The following CLASP2 variants were observed in gnomAD, a reference collection of about 807,000 sequenced individuals.
CLASP2 encodes CLIP-associating protein 2.
Under a neutral mutation model 194.4 loss-of-function variants are expected in CLASP2, and 47 were observed. That is an observed-to-expected ratio of 0.24 (90% CI 0.19 to 0.31). The LOEUF is 0.31. Among genes scored for constraint, CLASP2 ranks in the 10% least tolerant of loss-of-function variants. The pLI is 1.00. For missense variants in CLASP2, 1,445 were observed against 1,823.6 expected, an observed-to-expected ratio of 0.79 and a Z score of 3.78; for synonymous variants, 619 against 633.5, an observed-to-expected ratio of 0.98 and a Z score of 0.34.
chr3:33,671,825 G>A (rs1446677561), intron 6 of CLASP2, among the ~76,000 whole-genome samples: 1 of 152,210 alleles, frequency 6.6e-6, no homozygotes, highest in Non-Finnish European at 1.5e-5. Flanking sequence ...TACGCCCACG[G>A]AGACTCACTG....
At chr3:33,692,651 A>G (rs1358357680) in intron 2 of CLASP2, among the ~76,000 whole-genome samples, 1 of 152,212 alleles carries the variant, frequency 6.6e-6, no homozygotes, top group Non-Finnish European at 1.5e-5. Flanking sequence ...TATACCTCAC[A>G]TGACTAGTGA....
At chr3:33,619,096 C>T (rs1472475313) in intron 12 of CLASP2, among the ~76,000 whole-genome samples, 6 of 152,156 alleles carry the variant, frequency 3.9e-5, no homozygotes, top group Admixed American at 2.6e-4. Context: ...GTACTGAACA[C>T]TCTAGGATAG....
chr3:33,570,689 C>T, intron 26 of CLASP2, 38 bp downstream of exon 26: 2 of 1,576,716 alleles, frequency 1.3e-6, no homozygotes, highest in Non-Finnish European at 1.7e-6. Flanking sequence ...ACAAATGATA[C>T]CCTATAGAAA....
At chr3:33,708,546 A>ATATATG (rs1559703915) in intron 1 of CLASP2, among the ~76,000 whole-genome samples, 7 of 2,880 alleles carry the variant, frequency 2.4e-3, no homozygotes, top group Non-Finnish European at 0.014. Flanking sequence ...GTATATATGT[A>ATATATG]TATATATATA....
chr3:33,615,555 C>T (rs2075993506), intron 12 of CLASP2, among the ~76,000 whole-genome samples: 1 of 125,884 alleles, frequency 7.9e-6, no homozygotes, highest in Non-Finnish European at 1.7e-5. Flanking sequence ...CCAGATAAAG[C>T]AGATTTAAAA....
chr3:33,679,569 G>T (rs1408427790), intron 6 of CLASP2, among the ~76,000 whole-genome samples: 3 of 151,936 alleles, frequency 2.0e-5, no homozygotes, highest in African/African-American at 4.8e-5. Flanking sequence ...TTTAAATAAG[G>T]GCAAAAGATC....
At chr3:33,602,537 T>A in intron 18 of CLASP2, 1 of 762,668 alleles carries the variant, frequency 1.3e-6, no homozygotes, top group Non-Finnish European at 2.4e-6. Flanking sequence ...TAGGGTTTGG[T>A]TAGACAGAGT....
intron 13 of CLASP2, 48 bp downstream of exon 13, chr3:33,611,950 TGCA>T: frequency 8.6e-7 from 1 of 1,169,424 alleles, no homozygotes; most frequent in South Asian, 1.3e-5. Context: ...AATTAAACAA[TGCA>T]GTATCAGAGC....
intron 6 of CLASP2, among the ~76,000 whole-genome samples, chr3:33,680,200 A>G (rs2089564288): frequency 6.6e-6 from 1 of 152,230 alleles, no homozygotes; most frequent in African/African-American, 2.4e-5. Context: ...ATTAGGCCAG[A>G]GGGAGGGATA....
chr3:33,582,609 T>C (rs2066406067), intron 22 of CLASP2, among the ~76,000 whole-genome samples: 1 of 152,126 alleles, frequency 6.6e-6, no homozygotes, highest in Admixed American at 6.5e-5. Flanking sequence ...CAGTGAACTA[T>C]GATCATTCAC....
rs1453325827 is a variant in CLASP2, at chr3:33,689,842, A to C, written c.365T>G (p.Val122Gly). 6.3e-7 allele frequency: 1 copy of C among 1,586,876 alleles called. No homozygotes were observed. The highest frequency in any genetic ancestry group is 8.6e-7 in the Non-Finnish European group (1 of 1,167,472). ...ATGTAGGCTTACCATAGGTGGTGCT[A>C]CTTGATCCATTAACTTCAATATCAG... ...QTLILKLMDQ[V>G]APPMYIWEQL... Residue 122 changes from valine (V) to glycine (G), a missense_variant, in exon 3 of 39, where the codon GTA becomes GGA. This residue lies in a region of CLASP2 where 332 missense variants were observed against 325.3 expected (regional missense o/e 1.02). Coordinates refer to ENST00000682230, the MANE Select transcript of CLASP2 (RefSeq NM_001365631.1).
chr3:33,609,703 T>C, intron 13 of CLASP2, among the ~76,000 whole-genome samples: 1 of 152,222 alleles, frequency 6.6e-6, no homozygotes, highest in East Asian at 1.9e-4. Context: ...GCTTATGAGA[T>C]ATAATTATCA....
intron 7 of CLASP2, among the ~76,000 whole-genome samples, chr3:33,648,520 T>C (rs1049546403): frequency 4.0e-5 from 6 of 151,832 alleles, no homozygotes; most frequent in African/African-American, 1.5e-4. Context: ...AAAGGAAAAA[T>C]AAATAAATCT....
chr3:33,598,120 T>C (rs943478966), intron 18 of CLASP2, among the ~76,000 whole-genome samples: 1 of 151,780 alleles, frequency 6.6e-6, no homozygotes, highest in African/African-American at 2.4e-5. Context: ...AGACAAACTT[T>C]GAAAGCCTGC....
At chr3:33,691,564 C>T (rs753528933) in intron 2 of CLASP2, among the ~76,000 whole-genome samples, 1 of 152,112 alleles carries the variant, frequency 6.6e-6, no homozygotes, top group Admixed American at 6.6e-5. Context: ...TATGAGGCAA[C>T]GTTCATCAAT....
chr3:33,711,096 T>C lies in CLASP2; in HGVS notation c.195+6712A>G, dbSNP rs981267316. Among the ~76,000 whole-genome samples the C allele has an allele frequency of 3.9e-5, 6 of 152,182 alleles. No homozygotes were observed. The South Asian group carries it at 6.2e-4, about 16-fold the overall frequency. On this transcript the variant is annotated intron_variant, in intron 1 of 38. Transcript: ENST00000682230. ...AAAGAGTGAATGAACTAAGAAAATA[T>C]AGTATGACTGTCAGGCAGCATTAAG...
chr3:33,687,864 T>C (rs1415273766), intron 4 of CLASP2, among the ~76,000 whole-genome samples: 1 of 152,174 alleles, frequency 6.6e-6, no homozygotes, highest in East Asian at 1.9e-4. Context: ...TGGGAAAGTT[T>C]TGCTTGGTCT....
chr3:33,710,339 GT>G (rs2092938081), intron 1 of CLASP2, among the ~76,000 whole-genome samples: 1 of 152,254 alleles, frequency 6.6e-6, no homozygotes, highest in Admixed American at 6.5e-5. Context: ...GATAAAAAAT[GT>G]TTTTAATTAT....
At chr3:33,566,218 T>C (rs991110089) in intron 27 of CLASP2, among the ~76,000 whole-genome samples, 2 of 152,240 alleles carry the variant, frequency 1.3e-5, no homozygotes, top group Non-Finnish European at 2.9e-5. Context: ...ATTCACATGT[T>C]CTTTCAGAAG....
Sources: allele counts gnomAD v4.1 joint callset (sites outside exome capture counted in the v4.1 genomes callset), GRCh38; gene constraint gnomAD v4.1.1; regional missense constraint gnomAD v4.1.1; transcripts MANE v1.5; gene names NCBI Gene and HGNC (gene_info 2026-07-23, HGNC 2026-07-21).